GPR176: variants seen among roughly 807,000 people sequenced by gnomAD.
GPR176 encodes G protein-coupled receptor 176.
A neutral mutation model predicts 35.4 loss-of-function variants in GPR176; 26 were observed. That is an observed-to-expected ratio of 0.74 (90% CI 0.54 to 1.02). The LOEUF (loss-of-function observed/expected upper bound fraction) is 1.02, where lower values mean the gene tolerates loss of function less well. Ranked by LOEUF, GPR176 falls within the 50% of genes least tolerant of loss-of-function variation. The pLI, the probability that GPR176 is intolerant of heterozygous loss-of-function variation, is 0.00. For synonymous variants in GPR176, 278 were observed against 271.3 expected, an observed-to-expected ratio of 1.02 and a Z score of -0.24; for missense variants, 597 against 665.3, an observed-to-expected ratio of 0.90 and a Z score of 1.13.
At chr15:39,829,558 A>G (rs1172179859) in intron 1 of GPR176, among the ~76,000 whole-genome samples, 1 of 147,316 alleles carries the variant, frequency 6.8e-6, no homozygotes, top group East Asian at 2.0e-4. Flanking sequence ...AACCATATCT[A>G]TATGATCTAA....
chr15:39,845,158 G>C (rs2030329937), intron 1 of GPR176, among the ~76,000 whole-genome samples: 1 of 152,058 alleles, frequency 6.6e-6, no homozygotes, highest in African/African-American at 2.4e-5. Flanking sequence ...CCAGGCCCAG[G>C]TTCAGGCCCA....
At chr15:39,819,364 A>G (rs974027580) in intron 1 of GPR176, among the ~76,000 whole-genome samples, 8 of 152,244 alleles carry the variant, frequency 5.3e-5, no homozygotes. Flanking sequence ...TGTAAGATTA[A>G]GGAGCCTGAA....
intron 1 of GPR176, among the ~76,000 whole-genome samples, chr15:39,811,603 G>A (rs1329972392): frequency 2.6e-5 from 4 of 152,072 alleles, no homozygotes; most frequent in Non-Finnish European, 5.9e-5. Flanking sequence ...CATTTCATTT[G>A]AGCATCATGT....
At chr15:39,919,822 G>A in intron 1 of GPR176, 33 bp downstream of exon 1, 1 of 1,367,548 alleles carries the variant, frequency 7.3e-7, no homozygotes. Context: ...CCTCGGGGAG[G>A]CCCGGTCCGG....
At chr15:39,913,760 G>A (rs114429576) in intron 1 of GPR176, among the ~76,000 whole-genome samples, 1,652 of 152,164 alleles carry the variant, frequency 0.011, 25 homozygotes, top group African/African-American at 0.039. Context: ...AAAAACCATC[G>A]AGTTGGCCGG....
At chr15:39,846,061 C>T (rs983539272) in intron 1 of GPR176, among the ~76,000 whole-genome samples, 3 of 152,156 alleles carry the variant, frequency 2.0e-5, no homozygotes, top group Non-Finnish European at 4.4e-5. Context: ...AGGAGAGCAA[C>T]ATTTTACTTT....
intron 1 of GPR176, among the ~76,000 whole-genome samples, chr15:39,864,590 A>C (rs1004259229): frequency 6.6e-6 from 1 of 152,082 alleles, no homozygotes; most frequent in South Asian, 2.1e-4. Context: ...CAGAAAACTT[A>C]AAAAAGGAAA....
intron 1 of GPR176, chr15:39,862,358 T>C (rs572976370): frequency 1.8e-4 from 28 of 152,312 alleles, no homozygotes; most frequent in Non-Finnish European, 3.8e-4. Context: ...AGTCTCCCCA[T>C]CAGGAAAAGC....
At chr15:39,903,214 G>A (rs2033327766) in intron 1 of GPR176, among the ~76,000 whole-genome samples, 2 of 152,102 alleles carry the variant, frequency 1.3e-5, no homozygotes, top group African/African-American at 4.8e-5. Context: ...TGGATTTACT[G>A]GGACACCTCA....
chr15:39,879,483 C>T (rs927244312), intron 1 of GPR176, among the ~76,000 whole-genome samples: 1 of 152,200 alleles, frequency 6.6e-6, no homozygotes, highest in Non-Finnish European at 1.5e-5. Flanking sequence ...CCACACTTCA[C>T]ATCCTTGTCA....
At chr15:39,817,749 C>G (rs762592130) in intron 1 of GPR176, among the ~76,000 whole-genome samples, 1 of 152,178 alleles carries the variant, frequency 6.6e-6, no homozygotes, top group Non-Finnish European at 1.5e-5. Context: ...CAGAACTCCT[C>G]AGCGTAGAGA....
Position 39,856,084 on chromosome 15 carries a change from C to A in GPR176, c.173-48826G>T, listed in dbSNP as rs111719503. On this transcript the variant is annotated intron_variant, in intron 1 of 2. Coordinates refer to ENST00000561100, the MANE Select transcript of GPR176 (RefSeq NM_007223.3). ...AAACCCAGGCAATTGATTCCAGAAC[C>A]ATGCTCAAAACGACAGCAGTATGCC... Among the ~76,000 whole-genome samples, 453 of 152,270 alleles carry A rather than the reference C, an allele frequency of 3.0e-3. 2 individuals carry two copies. The highest frequency in any genetic ancestry group is 0.01 in the African/African-American group (433 of 41,560).
chr15:39,821,782 G>A (rs1458537380), intron 1 of GPR176, among the ~76,000 whole-genome samples: 1 of 152,164 alleles, frequency 6.6e-6, no homozygotes, highest in East Asian at 1.9e-4. Flanking sequence ...AGAAAGAAAA[G>A]CTATTTTTGC....
chr15:39,863,769 C>T (rs2031710165), intron 1 of GPR176, among the ~76,000 whole-genome samples: 1 of 152,162 alleles, frequency 6.6e-6, no homozygotes, highest in Non-Finnish European at 1.5e-5. Context: ...GTTAGATACA[C>T]AAATACTTAA....
intron 1 of GPR176, chr15:39,815,181 T>A (rs1899817498): frequency 6.6e-6 from 1 of 152,214 alleles, no homozygotes; most frequent in Non-Finnish European, 1.5e-5. Context: ...AACATGGAGC[T>A]GTGTGTAGAG....
chr15:39,813,131 A>G (rs1050654878), intron 1 of GPR176: 4 of 152,210 alleles, frequency 2.6e-5, no homozygotes, highest in Non-Finnish European at 5.9e-5. Flanking sequence ...TTACTTTTAT[A>G]TAAACTGTAA....
chr15:39,807,420 ACAGT>A, intron 1 of GPR176, 162 bp from the exon 2 acceptor site: 2 of 721,672 alleles, frequency 2.8e-6, no homozygotes, highest in Non-Finnish European at 2.1e-6. Context: ...ATGATACATT[ACAGT>A]CAATTTATGT....
At chr15:39,912,156 T>A (rs1323316233) in intron 1 of GPR176, among the ~76,000 whole-genome samples, 1 of 152,248 alleles carries the variant, frequency 6.6e-6, no homozygotes, top group Non-Finnish European at 1.5e-5. Flanking sequence ...TTGATTTTTT[T>A]AAGATAAAGT....
chr15:39,828,695 C>T (rs904811709), intron 1 of GPR176, among the ~76,000 whole-genome samples: 5 of 152,124 alleles, frequency 3.3e-5, no homozygotes, highest in Non-Finnish European at 7.4e-5. Context: ...AAAAACCTGC[C>T]GTTGTTATAA....
Sources: gnomAD v4.1 joint callset for allele counts (sites outside exome capture counted in the v4.1 genomes callset) on GRCh38, gnomAD v4.1.1 for gene constraint, MANE v1.5 for transcripts, NCBI Gene and HGNC (gene_info 2026-07-23, HGNC 2026-07-21) for gene names.